The following NOC3L variants were observed in gnomAD, a reference collection of about 807,000 sequenced individuals.
NOC3L encodes the protein NOC3 like DNA replication regulator, also known as nucleolar complex protein 3 homolog.
In NOC3L, 85 loss-of-function variants were observed where a neutral mutation model predicts 102.5. That is an observed-to-expected ratio of 0.83 (90% CI 0.70 to 0.99). The LOEUF (loss-of-function observed/expected upper bound fraction) is 0.99. Ranked by LOEUF, NOC3L falls within the 50% of genes least tolerant of loss-of-function variation. The probability of loss-of-function intolerance (pLI) is 0.00; values close to 1 mark genes in which losing one functional copy is unlikely to be tolerated. For synonymous variants in NOC3L, 303 were observed against 309.4 expected (o/e 0.98, Z 0.22); for missense variants, 878 against 914.9 (o/e 0.96, Z 0.52).
chr10:94,318,220 A>T, the NOC3L span, among the ~76,000 whole-genome samples: 791 of 152,328 alleles, frequency 5.2e-3, 10 homozygotes, highest in African/African-American at 0.018. Context: ...AATTGCTAAG[A>T]CAGAGACCAG....
Position 94,352,816 on chromosome 10 carries a change from T to A in NOC3L, c.858+80A>T, listed in dbSNP as rs549442510. 19 of 1,260,880 alleles carry A rather than the reference T, an allele frequency of 1.5e-5. No homozygotes were observed. In the African/African-American group the frequency reaches 2.9e-4, roughly 19 times the overall value. 78.1% of individuals were successfully genotyped at this position (1,260,880 alleles called of 1,614,324 possible). The stretch of plus-strand genomic sequence containing the variant: ...TAGTCTGGGCGACAGAGTAAAACTC[T>A]GCCTCAAAAAAAAAAAGTCTATCTC... On this transcript the variant is annotated intron_variant, in intron 7 of 20. Transcript: ENST00000371361.
chr10:94,357,057 T>G (rs2054494778), intron 4 of NOC3L, 117 bp downstream of exon 4: 2 of 756,562 alleles, frequency 2.6e-6, no homozygotes, highest in South Asian at 5.9e-5. Flanking sequence ...TAAGACTAAT[T>G]GAATATTTTC....
chr10:94,338,960 T>C lies in NOC3L; in HGVS notation c.1963-224A>G, dbSNP rs561806459. ...GCTTGCTTTGAAAATTAATTTTATC[T>C]TGCAAAAGAAAAAAATATGCTTCTC... On this transcript the variant is annotated intron_variant, in intron 17 of 20. Coordinates refer to ENST00000371361, the MANE Select transcript of NOC3L (RefSeq NM_022451.11). 1.4e-4 allele frequency among the ~76,000 whole-genome samples: 21 copies of C among 152,296 alleles called. 1 individual carries two copies. The South Asian group carries it at 3.9e-3, about 29-fold the overall frequency.
intron 8 of NOC3L, among the ~76,000 whole-genome samples, chr10:94,351,616 C>T (rs1187312130): frequency 1.3e-5 from 2 of 152,148 alleles, no homozygotes; most frequent in Non-Finnish European, 2.9e-5. Context: ...CAGGCTCAAA[C>T]TTCTGGACTC....
intron 12 of NOC3L, 54 bp from the exon 13 acceptor site, chr10:94,344,569 T>G: frequency 2.4e-6 from 3 of 1,226,670 alleles, no homozygotes; most frequent in Non-Finnish European, 3.6e-6. Flanking sequence ...TGCTTTCTCC[T>G]GAGTGAGCAT....
chr10:94,360,057 C>T (rs1040138555), intron 2 of NOC3L, among the ~76,000 whole-genome samples: 3 of 152,186 alleles, frequency 2.0e-5, no homozygotes, highest in Non-Finnish European at 4.4e-5. Context: ...GTGGCTCACG[C>T]CTGTAATCCC....
downstream of NOC3L, chr10:94,330,208 A>G (rs1388872760): frequency 2.6e-5 from 4 of 152,214 alleles, no homozygotes; most frequent in Admixed American, 1.3e-4. Context: ...ACACAGGTGT[A>G]TGTTTTACAA....
At chr10:94,338,780 T>C in intron 17 of NOC3L, 44 bp from the exon 18 acceptor site, 5 of 1,574,720 alleles carry the variant, frequency 3.2e-6, no homozygotes, top group Non-Finnish European at 3.5e-6. Context: ...ATTAACATTG[T>C]TAATATAAGA....
intron 13 of NOC3L, 50 bp from the exon 14 acceptor site, chr10:94,341,795 C>A: frequency 1.8e-6 from 2 of 1,096,458 alleles, no homozygotes; most frequent in African/African-American, 1.6e-5. Flanking sequence ...AGAAATAAAG[C>A]TGGTAGAAAT....
chr10:94,320,937 G>GA, the NOC3L span, among the ~76,000 whole-genome samples: 1 of 152,046 alleles, frequency 6.6e-6, no homozygotes, highest in Non-Finnish European at 1.5e-5. Flanking sequence ...GTGGGAGAAG[G>GA]AAAAAAGATG....
At chr10:94,330,998 AAAG>A (rs1267943675), downstream of NOC3L, 11 of 152,224 alleles carry the variant, frequency 7.2e-5, no homozygotes, top group Non-Finnish European at 1.3e-4. Context: ...AAGTGAAGAG[AAAG>A]GAGCATGAAT....
At chr10:94,320,599 G>T in the NOC3L span, among the ~76,000 whole-genome samples, 1 of 152,202 alleles carries the variant, frequency 6.6e-6, no homozygotes, top group African/African-American at 2.4e-5. Context: ...GCCTGGTCTG[G>T]AGAGATGAGG....
At chr10:94,349,229 A>G (rs1251726554) in intron 10 of NOC3L, 21 bp downstream of exon 10, 3 of 1,563,558 alleles carry the variant, frequency 1.9e-6, no homozygotes, top group Middle Eastern at 3.4e-4. Flanking sequence ...CAAAATGCAA[A>G]GTAAAAAAAA....
In NOC3L at chr10:94,357,347, A is replaced by G. The variant is rs986448802; in HGVS notation, c.351-16T>C. On this transcript the variant is annotated splice_polypyrimidine_tract_variant and intron_variant, in intron 3 of 20. Coordinates refer to ENST00000371361, the MANE Select transcript of NOC3L (RefSeq NM_022451.11). The stretch of plus-strand genomic sequence containing the variant: ...AACAGGCTCACTGCAGGGGAAAAAA[A>G]GATCAATTTTCAGTCTTAATAGATC... The G allele has an allele frequency of 2.6e-6, 4 of 1,550,610 alleles. No individual in the cohort carries two copies. Among genetic ancestry groups the G allele is most frequent in the Non-Finnish European group, 3.5e-6 (4 of 1,152,334 alleles).
the NOC3L span, among the ~76,000 whole-genome samples, chr10:94,317,483 CAGTTTTAGCTAATAGA>C: frequency 1.3e-5 from 2 of 152,124 alleles, no homozygotes; most frequent in African/African-American, 2.4e-5. Flanking sequence ...GACTGACTTC[CAGTTTTAGCTAATAGA>C]AGTTTTAGCT....
chr10:94,320,534 T>C, the NOC3L span, among the ~76,000 whole-genome samples: 1 of 152,228 alleles, frequency 6.6e-6, no homozygotes, highest in East Asian at 1.9e-4. Context: ...ACTTCCAAGA[T>C]AGCGACAGCA....
chr10:94,320,166 G>C, the NOC3L span, among the ~76,000 whole-genome samples: 3 of 152,076 alleles, frequency 2.0e-5, no homozygotes, highest in Admixed American at 1.3e-4. Flanking sequence ...ATGATGATCA[G>C]TGCAATGACA....
the NOC3L span, chr10:94,325,025 A>T: frequency 6.2e-7 from 1 of 1,614,152 alleles, no homozygotes; most frequent in African/African-American, 1.3e-5. Flanking sequence ...CAAACCAAGG[A>T]GGAGAAACCT....
chr10:94,343,708 G>A (rs981272709), intron 13 of NOC3L, among the ~76,000 whole-genome samples: 7 of 152,126 alleles, frequency 4.6e-5, no homozygotes, highest in Non-Finnish European at 8.8e-5. Context: ...ATAAGTGTTC[G>A]AAAATATGTT....
Sources: gnomAD v4.1 joint callset for allele counts (sites outside exome capture counted in the v4.1 genomes callset) on GRCh38, gnomAD v4.1.1 for gene constraint, MANE v1.5 for transcripts, NCBI Gene and HGNC (gene_info 2026-07-23, HGNC 2026-07-21) for gene names.